The following COL10A1 variants were observed in gnomAD, a reference collection of about 807,000 sequenced individuals.
The protein encoded by COL10A1 is collagen type X alpha 1 chain.
COL10A1 carries 10 observed loss-of-function variants against 18.2 expected under a neutral mutation model. That is an observed-to-expected ratio of 0.55 (90% confidence interval 0.34 to 0.93). The LOEUF (loss-of-function observed/expected upper bound fraction) is 0.93, where lower values mean the gene tolerates loss of function less well. COL10A1 is among the 40% of genes least tolerant of loss of function. The pLI, the probability that COL10A1 is intolerant of heterozygous loss-of-function variation, is 0.02. For missense variants in COL10A1, 897 were observed against 853.5 expected (o/e 1.05, Z -0.64); for synonymous variants, 330 against 316.6 (o/e 1.04, Z -0.45).
At chr6:116,180,859 GAGTCGTGTATTTTC>G in the COL10A1 span, among the ~76,000 whole-genome samples, 1 of 152,038 alleles carries the variant, frequency 6.6e-6, no homozygotes. Flanking sequence ...TGCAATTTGT[GAGTCGTGTATTTTC>G]AGTCAACCAA....
the COL10A1 span, among the ~76,000 whole-genome samples, chr6:116,168,792 C>G: frequency 6.6e-6 from 1 of 152,046 alleles, no homozygotes; most frequent in Non-Finnish European, 1.5e-5. Flanking sequence ...TCTAGGATAA[C>G]TTTCTACAGG....
chr6:116,162,942 A>C (rs1421132049), upstream of COL10A1, among the ~76,000 whole-genome samples: 1 of 151,858 alleles, frequency 6.6e-6, no homozygotes, highest in Non-Finnish European at 1.5e-5. Flanking sequence ...CCTAGCTAAC[A>C]TGGTGAAACC....
At chr6:116,130,058 AC>A (rs1779423207), upstream of COL10A1, among the ~76,000 whole-genome samples, 1 of 152,160 alleles carries the variant, frequency 6.6e-6, no homozygotes, top group Non-Finnish European at 1.5e-5. Flanking sequence ...GTAATTGCCT[AC>A]AGTCAATATT....
the COL10A1 span, among the ~76,000 whole-genome samples, chr6:116,213,690 T>A: frequency 7.3e-5 from 11 of 151,644 alleles, no homozygotes; most frequent in Non-Finnish European, 1.2e-4. Context: ...TAGGAGAACA[T>A]GAAAATGCCC....
At chr6:116,148,496 A>G (rs1779952309) in intron 1 of COL10A1, among the ~76,000 whole-genome samples, 1 of 152,176 alleles carries the variant, frequency 6.6e-6, no homozygotes, top group African/African-American at 2.4e-5. Flanking sequence ...GTACTACCCA[A>G]TCTTGCAGTG....
the COL10A1 span, among the ~76,000 whole-genome samples, chr6:116,211,873 A>G: frequency 3.3e-5 from 5 of 152,074 alleles, no homozygotes; most frequent in African/African-American, 1.2e-4. Context: ...TAGAGAGCCT[A>G]CACCTGCTCT....
chr6:116,153,171 A>G (rs1427733689), intron 1 of COL10A1, among the ~76,000 whole-genome samples: 2 of 151,980 alleles, frequency 1.3e-5, no homozygotes, highest in Non-Finnish European at 2.9e-5. Flanking sequence ...TATACAACAT[A>G]ATTTTTGAGT....
the COL10A1 span, among the ~76,000 whole-genome samples, chr6:116,177,454 A>T: frequency 2.6e-5 from 4 of 152,188 alleles, no homozygotes; most frequent in African/African-American, 9.6e-5. Context: ...AAAATGGGTA[A>T]AAGTATATTC....
At chr6:116,125,778 A>G (rs1379819324) in intron 1 of COL10A1, 7 of 302,464 alleles carry the variant, frequency 2.3e-5, no homozygotes, top group Non-Finnish European at 3.8e-5. Flanking sequence ...GGATGTCTGT[A>G]TTAAATAATC....
At chr6:116,207,751 T>G in the COL10A1 span, among the ~76,000 whole-genome samples, 1 of 151,928 alleles carries the variant, frequency 6.6e-6, no homozygotes, top group East Asian at 1.9e-4. Flanking sequence ...GAACCCCTCG[T>G]GCCCAGGTTC....
At chr6:116,214,769 G>T in the COL10A1 span, among the ~76,000 whole-genome samples, 1 of 151,992 alleles carries the variant, frequency 6.6e-6, no homozygotes, top group Non-Finnish European at 1.5e-5. Flanking sequence ...GTTCATTGTG[G>T]CTAAAGAGTT....
chr6:116,204,055 C>T, the COL10A1 span, among the ~76,000 whole-genome samples: 1 of 151,780 alleles, frequency 6.6e-6, no homozygotes. Context: ...GGCCTCTGAC[C>T]CAGCTCACTT....
At chr6:116,129,594 CTA>C (rs1779413845), upstream of COL10A1, among the ~76,000 whole-genome samples, 1 of 152,206 alleles carries the variant, frequency 6.6e-6, no homozygotes, top group Non-Finnish European at 1.5e-5. Flanking sequence ...CCATGCGATA[CTA>C]CAGCATGAAC....
chr6:116,186,156 TATATG>T, the COL10A1 span, among the ~76,000 whole-genome samples: 118 of 152,206 alleles, frequency 7.8e-4, no homozygotes, highest in Non-Finnish European at 1.4e-3. Context: ...ACAAAATTCT[TATATG>T]ATAATTATTT....
intron 1 of COL10A1, among the ~76,000 whole-genome samples, chr6:116,152,594 C>T (rs1780073117): frequency 6.6e-6 from 1 of 152,086 alleles, no homozygotes. Flanking sequence ...TCTGTGCTTT[C>T]TTTACCAGGT....
At chr6:116,216,594 T>G in the COL10A1 span, among the ~76,000 whole-genome samples, 2 of 151,956 alleles carry the variant, frequency 1.3e-5, no homozygotes, top group African/African-American at 4.8e-5. Context: ...AGTATTATGT[T>G]TAGCATATAG....
At chr6:116,142,753 T>A (rs545026133) in intron 1 of COL10A1, among the ~76,000 whole-genome samples, 1 of 152,318 alleles carries the variant, frequency 6.6e-6, no homozygotes, top group South Asian at 2.1e-4. Context: ...ACTGCTTTTC[T>A]TGTTTCTTTT....
upstream of COL10A1, among the ~76,000 whole-genome samples, chr6:116,163,141 A>AAAATATATATATAT (rs761718922): frequency 7.4e-4 from 65 of 88,360 alleles, no homozygotes; most frequent in African/African-American, 3.2e-3. Flanking sequence ...AAAAAAAAAA[A>AAAATATATATATAT]ATATATATAT....
At chr6:116,208,178 A>C in the COL10A1 span, among the ~76,000 whole-genome samples, 1 of 151,984 alleles carries the variant, frequency 6.6e-6, no homozygotes, top group Non-Finnish European at 1.5e-5. Flanking sequence ...TCAAAGCTAG[A>C]GAAGTCAACT....
Sources: allele counts gnomAD v4.1 joint callset (sites outside exome capture counted in the v4.1 genomes callset), GRCh38; gene constraint gnomAD v4.1.1; transcripts MANE v1.5; gene names NCBI Gene and HGNC (gene_info 2026-07-23, HGNC 2026-07-21).